The following LPIN1 variants were observed in gnomAD, a reference collection of about 807,000 sequenced individuals.
LPIN1 encodes the protein lipin 1, also known as phosphatidate phosphatase LPIN1.
In LPIN1, 71 loss-of-function variants were observed where a neutral mutation model predicts 107.5. The ratio of observed to expected loss-of-function variants is 0.66; its 90% confidence interval spans 0.55 to 0.80. The LOEUF is 0.80. Ranked by LOEUF, LPIN1 falls within the 30% of genes least tolerant of loss-of-function variation. The probability of loss-of-function intolerance (pLI) is 0.00; values close to 1 mark genes in which losing one functional copy is unlikely to be tolerated. For synonymous variants in LPIN1, 445 were observed against 452.6 expected, an observed-to-expected ratio of 0.98 and a Z score of 0.21; for missense variants, 1,043 against 1,160.6, an observed-to-expected ratio of 0.90 and a Z score of 1.47.
chr2:11,757,507 A>G (rs946660098), intron 1 of LPIN1, among the ~76,000 whole-genome samples: 1 of 152,190 alleles, frequency 6.6e-6, no homozygotes, highest in Non-Finnish European at 1.5e-5. Context: ...CAGCTGGTTT[A>G]TTCTTGTATT....
intron 20 of LPIN1, 140 bp from the exon 21 acceptor site, chr2:11,824,492 T>C: frequency 1.3e-6 from 1 of 770,604 alleles, no homozygotes; most frequent in Non-Finnish European, 2.2e-6. Flanking sequence ...GATAACAAAT[T>C]ATTCTAGAAT....
At chr2:11,719,418 C>T (rs926518865), upstream of LPIN1, among the ~76,000 whole-genome samples, 15 of 152,204 alleles carry the variant, frequency 9.9e-5, no homozygotes, top group Non-Finnish European at 1.8e-4. Context: ...GTTCTGTAGG[C>T]AGATGGGCCC....
intron 13 of LPIN1, among the ~76,000 whole-genome samples, chr2:11,794,122 C>T (rs62114962): frequency 6.6e-6 from 1 of 152,184 alleles, no homozygotes; most frequent in African/African-American, 2.4e-5. Flanking sequence ...CTGAGGTCTA[C>T]TCATCAGTTT....
intron 14 of LPIN1, among the ~76,000 whole-genome samples, chr2:11,801,888 C>G (rs1455390016): frequency 6.6e-6 from 1 of 151,530 alleles, no homozygotes; most frequent in South Asian, 2.1e-4. Context: ...TTACATGCAC[C>G]CCATAAATAT....
At chr2:11,823,368 T>G (rs1306466131) in intron 20 of LPIN1, among the ~76,000 whole-genome samples, 1 of 152,202 alleles carries the variant, frequency 6.6e-6, no homozygotes, top group African/African-American at 2.4e-5. Flanking sequence ...CAAATAAGCC[T>G]TAAAGCCGGG....
At chr2:11,681,300 A>G (rs1284512493) in intron 1 of LPIN1, among the ~76,000 whole-genome samples, 1 of 152,198 alleles carries the variant, frequency 6.6e-6, no homozygotes, top group Non-Finnish European at 1.5e-5. Context: ...CTCCTGTTGA[A>G]TTATAATCCC....
At chr2:11,801,865 G>A (rs947162137) in intron 14 of LPIN1, among the ~76,000 whole-genome samples, 51 of 151,866 alleles carry the variant, frequency 3.4e-4, no homozygotes, top group African/African-American at 1.0e-3. Context: ...AAATATATAC[G>A]TTTATCAGAA....
At position 11,803,014 on chromosome 2, in the gene LPIN1, G is replaced by A. The variant is rs748573552; in HGVS notation, c.1994G>A (p.Arg665Gln). The change falls in exon 15 of 21, where the codon CGG becomes CAG. Residue 665 changes from arginine to glutamine, a missense_variant. Transcript: ENST00000674199. The surrounding 1 kb of genome is among the most constrained non-coding windows in gnomAD (Gnocchi z 4.2). Reference protein sequence around the residue: ...LPNVSYKKTLRLTSEQLKSLK... With the variant: ...LPNVSYKKTLQLTSEQLKSLK... ...AATGTCAGCTACAAGAAGACTCTCC[G>A]GCTGACTTCCGAGCAGCTTGTGAGT... is the stretch of plus-strand genomic sequence containing the variant. 4 of 1,612,618 alleles carry A rather than the reference G, an allele frequency of 2.5e-6. No individual in the cohort carries two copies. The highest frequency in any genetic ancestry group is 2.2e-5 in the East Asian group (1 of 44,884).
At chr2:11,692,996 G>C (rs1293424055) in intron 1 of LPIN1, among the ~76,000 whole-genome samples, 1 of 152,092 alleles carries the variant, frequency 6.6e-6, no homozygotes, top group Non-Finnish European at 1.5e-5. Context: ...GTAGGGACTG[G>C]CCAAATCCTA....
chr2:11,819,690 G>A, intron 19 of LPIN1, 92 bp downstream of exon 19: 3 of 941,002 alleles, frequency 3.2e-6, no homozygotes, highest in Non-Finnish European at 5.3e-6. Context: ...ACCATATGTA[G>A]AGTCAGATTC....
chr2:11,767,835 G>A lies in LPIN1; in HGVS notation c.265G>A (p.Val89Ile). ...KLGDNGEAFF[V>I]QETDNDQEVI... ...GGGAGATAATGGAGAAGCATTTTTT[G>A]TTCAAGAAACAGATAATGATCAGGT... The change falls in exon 3 of 21, where the codon GTT becomes ATT. Residue 89 changes from valine to isoleucine, a missense_variant. Coordinates refer to ENST00000674199, the MANE Select transcript of LPIN1 (RefSeq NM_001349206.2). 6.2e-7 allele frequency: 1 copy of A among 1,611,494 alleles called. No homozygotes were observed. Among genetic ancestry groups the A allele is most frequent in the South Asian group, 1.1e-5 (1 of 91,008 alleles).
chr2:11,788,571 C>T (rs1042567776), intron 12 of LPIN1, 115 bp downstream of exon 12: 7 of 832,236 alleles, frequency 8.4e-6, no homozygotes, highest in Non-Finnish European at 1.4e-5. Context: ...CCACTGTGCT[C>T]TTTTGAAGTT....
exon 2 of LPIN1, chr2:11,741,363 T>C: frequency 6.5e-7 from 1 of 1,549,004 alleles, no homozygotes; most frequent in Non-Finnish European, 8.7e-7. Flanking sequence ...CTCTGAAGCG[T>C]GAGCTGCCAG....
intron 1 of LPIN1, among the ~76,000 whole-genome samples, chr2:11,708,843 CAAT>C (rs1572362928): frequency 6.6e-6 from 1 of 152,096 alleles, no homozygotes; most frequent in Non-Finnish European, 1.5e-5. Context: ...ATGATGATGA[CAAT>C]GATGATGATA....
At chr2:11,699,884 G>A (rs1395698922) in intron 1 of LPIN1, among the ~76,000 whole-genome samples, 2 of 152,126 alleles carry the variant, frequency 1.3e-5, no homozygotes, top group Non-Finnish European at 2.9e-5. Flanking sequence ...CAAACGGTAA[G>A]CTGTGTGGCT....
intron 1 of LPIN1, among the ~76,000 whole-genome samples, chr2:11,726,113 C>T (rs921344800): frequency 3.3e-5 from 5 of 152,192 alleles, no homozygotes; most frequent in African/African-American, 4.8e-5. Context: ...ATAGCTTGAC[C>T]TGATCACCAA....
intron 2 of LPIN1, among the ~76,000 whole-genome samples, chr2:11,718,057 A>C (rs890368212): frequency 5.3e-5 from 8 of 151,916 alleles, no homozygotes; most frequent in African/African-American, 1.9e-4. Flanking sequence ...TCTCCAGGAG[A>C]TCTCTCTCTT....
chr2:11,690,894 T>C (rs1237305730), intron 1 of LPIN1, among the ~76,000 whole-genome samples: 2 of 152,168 alleles, frequency 1.3e-5, no homozygotes, highest in Admixed American at 1.3e-4. Flanking sequence ...TCTGTGTCTA[T>C]ATGTATCTCA....
chr2:11,812,093 A>G (rs1392884077), intron 17 of LPIN1, among the ~76,000 whole-genome samples: 1 of 152,206 alleles, frequency 6.6e-6, no homozygotes, highest in Non-Finnish European at 1.5e-5. Flanking sequence ...AAACTTTCTC[A>G]TTTCTTAGTT....
Sources: gnomAD v4.1 joint callset for allele counts (sites outside exome capture counted in the v4.1 genomes callset) on GRCh38, gnomAD v4.1.1 for gene constraint, Gnocchi (gnomAD v3.1) non-coding constraint, MANE v1.5 for transcripts, NCBI Gene and HGNC (gene_info 2026-07-23, HGNC 2026-07-21) for gene names.